REEP5: variants seen among roughly 807,000 people sequenced by gnomAD.
The protein encoded by REEP5 is receptor expression-enhancing protein 5.
Under a neutral mutation model 22.4 loss-of-function variants are expected in REEP5, and 24 were observed. That is an observed-to-expected ratio of 1.07 (90% confidence interval 0.78 to 1.51). The LOEUF is 1.51. Among genes scored for constraint, REEP5 ranks in the 40% most tolerant of loss-of-function variants. The pLI is 0.00. For missense variants in REEP5, 252 were observed against 233.0 expected, an observed-to-expected ratio of 1.08 and a Z score of -0.53; for synonymous variants, 103 against 88.6, an observed-to-expected ratio of 1.16 and a Z score of -0.92.
At chr5:112,917,427 T>G (rs1429291314) in intron 2 of REEP5, among the ~76,000 whole-genome samples, 2 of 152,162 alleles carry the variant, frequency 1.3e-5, no homozygotes, top group Non-Finnish European at 1.5e-5. Flanking sequence ...CCCAGGAAGG[T>G]GGCAGCCCAA....
intron 3 of REEP5, among the ~76,000 whole-genome samples, chr5:112,899,154 T>C (rs1224609726): frequency 3.3e-5 from 5 of 152,102 alleles, no homozygotes; most frequent in Admixed American, 2.0e-4. Flanking sequence ...TCATTGCTTA[T>C]TGTAGCCTTG....
intron 2 of REEP5, among the ~76,000 whole-genome samples, chr5:112,915,174 A>G (rs898020645): frequency 6.6e-6 from 1 of 152,174 alleles, no homozygotes; most frequent in Non-Finnish European, 1.5e-5. Context: ...GACAGAAAGA[A>G]GGACAAATAG....
chr5:112,893,075 A>T, intron 3 of REEP5: 1 of 1,162,550 alleles, frequency 8.6e-7, no homozygotes, highest in Non-Finnish European at 1.2e-6. Flanking sequence ...CCCCAATCCA[A>T]ATAAACTAGT....
At chr5:112,897,725 T>C (rs938670891) in intron 3 of REEP5, 12 of 151,942 alleles carry the variant, frequency 7.9e-5, no homozygotes, top group African/African-American at 2.7e-4. Context: ...AAAATGAAAA[T>C]AAAGCCAACA....
At chr5:112,909,884 C>T (rs77276268) in intron 2 of REEP5, among the ~76,000 whole-genome samples, 2,669 of 152,322 alleles carry the variant, frequency 0.018, 82 homozygotes, top group African/African-American at 0.061. Flanking sequence ...GAATCTCCTT[C>T]CCAAATTAAG....
chr5:112,917,232 ATCTT>A (rs1248734879), intron 2 of REEP5, among the ~76,000 whole-genome samples: 1 of 152,196 alleles, frequency 6.6e-6, no homozygotes, highest in Non-Finnish European at 1.5e-5. Context: ...AACATATTTA[ATCTT>A]TCTAACATTG....
chr5:112,881,086 G>A (rs1253311211), intron 4 of REEP5, among the ~76,000 whole-genome samples: 1 of 127,198 alleles, frequency 7.9e-6, no homozygotes, highest in Non-Finnish European at 1.5e-5. Flanking sequence ...CTGAGATCAT[G>A]CTACTGCACT....
intron 2 of REEP5, among the ~76,000 whole-genome samples, chr5:112,913,857 A>G (rs1034163662): frequency 2.6e-5 from 4 of 152,168 alleles, no homozygotes; most frequent in African/African-American, 9.7e-5. Context: ...TCACCCTAGC[A>G]GCTTAGTCTC....
chr5:112,890,489 C>T (rs949303914), intron 3 of REEP5, among the ~76,000 whole-genome samples: 2 of 150,086 alleles, frequency 1.3e-5, no homozygotes, highest in African/African-American at 5.0e-5. Flanking sequence ...CCGCCTCAGC[C>T]CCCCAGGTAG....
chr5:112,882,294 G>C (rs901652040), intron 4 of REEP5, among the ~76,000 whole-genome samples: 14 of 151,934 alleles, frequency 9.2e-5, no homozygotes, highest in African/African-American at 2.9e-4. Context: ...TCTTTGTAGT[G>C]CACTCCCCAC....
chr5:112,881,081 A>G (rs991813614), intron 4 of REEP5, among the ~76,000 whole-genome samples: 2 of 140,790 alleles, frequency 1.4e-5, no homozygotes, highest in Admixed American at 7.5e-5. Context: ...GTGAGCTGAG[A>G]TCATGCTACT....
chr5:112,879,758 A>G (rs930544114), intron 4 of REEP5, among the ~76,000 whole-genome samples: 20 of 152,034 alleles, frequency 1.3e-4, no homozygotes, highest in East Asian at 3.9e-4. Context: ...TTACAGACGT[A>G]AGCCACCATG....
At chr5:112,918,063 A>G (rs1225060884) in intron 2 of REEP5, among the ~76,000 whole-genome samples, 1 of 152,176 alleles carries the variant, frequency 6.6e-6, no homozygotes, top group Non-Finnish European at 1.5e-5. Context: ...GCCTCCTGTT[A>G]TCAGTAAAAG....
intron 3 of REEP5, chr5:112,897,742 A>G (rs1768733876): frequency 6.6e-6 from 1 of 152,066 alleles, no homozygotes; most frequent in African/African-American, 2.4e-5. Context: ...AACAATATTA[A>G]CTCTGCAAAA....
rs1347794713 is a variant in REEP5 at position 112,912,080 on chromosome 5, CTGATTTGTCCTAAACGTT to C, written c.212+9065_212+9082del. 2.6e-5 allele frequency among the ~76,000 whole-genome samples: 4 copies of C among 152,250 alleles called. No individual in the cohort carries two copies. In the East Asian group the frequency reaches 7.7e-4, roughly 29 times the overall value. ...CCTTAATTGAGCACTTACAGAATGC[CTGATTTGTCCTAAACGTT>C]TGACATATATTATCCCAACTCCCCC... is the stretch of plus-strand genomic sequence containing the variant. On this transcript the variant is annotated intron_variant, in intron 2 of 4. Transcript: ENST00000379638.
chr5:112,921,021 C>T, intron 2 of REEP5, 142 bp downstream of exon 2: 1 of 732,270 alleles, frequency 1.4e-6, no homozygotes, highest in Non-Finnish European at 2.3e-6. Context: ...GAATACTATC[C>T]CCACCCCTTA....
chr5:112,904,102 C>T (rs77388266), intron 2 of REEP5, among the ~76,000 whole-genome samples: 2,383 of 152,246 alleles, frequency 0.016, 28 homozygotes, highest in Non-Finnish European at 0.026. Flanking sequence ...AAAGTGCAGT[C>T]TGGTGGCTCC....
At position 112,902,410 on chromosome 5, in the gene REEP5, C is replaced by G; in HGVS notation, c.321G>C (p.Leu107=). The G allele has an allele frequency of 1.9e-6, 3 of 1,612,740 alleles. No individual in the cohort carries two copies. Among genetic ancestry groups the G allele is most frequent in the Non-Finnish European group, 1.7e-6 (2 of 1,179,590 alleles). Residue 107 remains leucine, a synonymous_variant, in exon 3 of 5, where the codon CTG becomes CTC. Coordinates refer to ENST00000379638, the MANE Select transcript of REEP5 (RefSeq NM_005669.5). ...GCATGTAGTAGAAGGGGAACCATGA[C>G]AGGAAGATATCAGAGAAGAATTCAG... ...SIAEFFSDIF[L]SWFPFYYMLK...
At chr5:112,893,800 G>A (rs1030313408) in intron 3 of REEP5, 5 of 152,218 alleles carry the variant, frequency 3.3e-5, no homozygotes, top group African/African-American at 7.2e-5. Context: ...GGAAGCCAGC[G>A]CCTTGAGGTA....
Sources: gnomAD v4.1 joint callset for allele counts (sites outside exome capture counted in the v4.1 genomes callset) on GRCh38, gnomAD v4.1.1 for gene constraint, MANE v1.5 for transcripts, NCBI Gene and HGNC (gene_info 2026-07-23, HGNC 2026-07-21) for gene names.